Variants in BBS9 observed in about 807,000 individuals in gnomAD.
BBS9 encodes Bardet-Biedl syndrome 9, also known as protein PTHB1.
In BBS9, 89 loss-of-function variants were observed where a neutral mutation model predicts 117.7. The ratio of observed to expected loss-of-function variants is 0.76; its 90% CI spans 0.64 to 0.90. BBS9 has a LOEUF of 0.90. Among genes scored for constraint, BBS9 ranks in the 40% least tolerant of loss-of-function variants. BBS9 has a pLI of 0.00. For synonymous variants in BBS9, 379 were observed against 370.9 expected (o/e 1.02, Z -0.25); for missense variants, 982 against 1,042.2 (o/e 0.94, Z 0.80).
At chr7:33,338,180 T>G (rs1486209570) in intron 10 of BBS9, among the ~76,000 whole-genome samples, 1 of 152,114 alleles carries the variant, frequency 6.6e-6, no homozygotes. Context: ...CCTTGCCCCT[T>G]CTATGCCACC....
intron 5 of BBS9, among the ~76,000 whole-genome samples, chr7:33,211,279 T>C (rs1303590004): frequency 6.6e-6 from 1 of 152,182 alleles, no homozygotes; most frequent in Non-Finnish European, 1.5e-5. Flanking sequence ...GGTGACTTTC[T>C]GTGGTGGTAT....
At chr7:33,614,643 A>C (rs1865043841) in intron 21 of BBS9, among the ~76,000 whole-genome samples, 2 of 152,200 alleles carry the variant, frequency 1.3e-5, no homozygotes, top group South Asian at 4.1e-4. Flanking sequence ...GTATCAGCGC[A>C]AGAAAACCTG....
At chr7:33,487,413 A>C (rs1843267070) in intron 19 of BBS9, among the ~76,000 whole-genome samples, 1 of 152,230 alleles carries the variant, frequency 6.6e-6, no homozygotes, top group Non-Finnish European at 1.5e-5. Flanking sequence ...TATAGTATCT[A>C]ACAGTTTACT....
intron 19 of BBS9, among the ~76,000 whole-genome samples, chr7:33,465,464 G>T (rs935991582): frequency 6.6e-6 from 1 of 152,030 alleles, no homozygotes; most frequent in Non-Finnish European, 1.5e-5. Flanking sequence ...TACAGTGAAG[G>T]ATTGTTCCTT....
At chr7:33,362,259 G>A (rs1212284888) in intron 16 of BBS9, among the ~76,000 whole-genome samples, 2 of 152,114 alleles carry the variant, frequency 1.3e-5, no homozygotes, top group African/African-American at 4.8e-5. Context: ...AAAAGCAGAA[G>A]TTCTTAATCT....
intron 19 of BBS9, among the ~76,000 whole-genome samples, chr7:33,431,886 A>G (rs1442062332): frequency 1.3e-5 from 2 of 152,130 alleles, no homozygotes; most frequent in African/African-American, 2.4e-5. Flanking sequence ...ATCTTTTTAT[A>G]ATATATGCTT....
At chr7:33,341,062 C>G in intron 11 of BBS9, 89 bp downstream of exon 11, 1 of 1,095,826 alleles carries the variant, frequency 9.1e-7, no homozygotes, top group East Asian at 2.4e-5. Context: ...AAAGTTTGGT[C>G]CTCCAAGTAG....
chr7:33,605,312 C>A lies in BBS9; in HGVS notation c.*86C>A. The A allele has an allele frequency of 1.4e-6, 2 of 1,406,076 alleles. No homozygotes were observed. Among genetic ancestry groups the A allele is most frequent in the Non-Finnish European group, 2.0e-6 (2 of 990,590 alleles). The allele number at this position is 1,406,076 out of a possible 1,614,324, so 87.1% of individuals were successfully genotyped here. A position where few individuals can be genotyped will look rare whatever the true frequency, so the allele number is the denominator to read the frequency against. ...CCTCATGCCAAGCACAGATATAGGG[C>A]TGGCGCAGGTGCTTCCTAAAGCTCA... On this transcript the variant is annotated 3_prime_UTR_variant, in exon 23 of 23. Transcript: ENST00000242067.
At chr7:33,571,702 G>T (rs138685831) in intron 21 of BBS9, among the ~76,000 whole-genome samples, 1 of 152,070 alleles carries the variant, frequency 6.6e-6, no homozygotes, top group Non-Finnish European at 1.5e-5. Flanking sequence ...GCCACAGTAA[G>T]GTACACTCAA....
At chr7:33,374,639 C>T (rs190999045) in intron 17 of BBS9, among the ~76,000 whole-genome samples, 5 of 152,180 alleles carry the variant, frequency 3.3e-5, no homozygotes, top group Admixed American at 6.5e-5. Context: ...TGGTGGCTCA[C>T]GCCTGTAATC....
At chr7:33,492,802 A>G (rs1844173481) in intron 19 of BBS9, among the ~76,000 whole-genome samples, 1 of 127,308 alleles carries the variant, frequency 7.9e-6, no homozygotes, top group African/African-American at 3.1e-5. Flanking sequence ...ATCATCTAGT[A>G]TAGGAGTGAG....
intron 20 of BBS9, among the ~76,000 whole-genome samples, chr7:33,506,268 A>G (rs887956667): frequency 2.0e-5 from 3 of 152,176 alleles, no homozygotes; most frequent in Non-Finnish European, 4.4e-5. Context: ...TATGACCACC[A>G]CGGGCCGTTC....
intron 1 of BBS9, among the ~76,000 whole-genome samples, chr7:33,130,783 A>C (rs1366877799): frequency 6.6e-6 from 1 of 152,158 alleles, no homozygotes; most frequent in East Asian, 1.9e-4. Flanking sequence ...GAATTTTAAA[A>C]AACTTTATTT....
intron 19 of BBS9, 73 bp from the exon 20 acceptor site, chr7:33,505,390 T>C: frequency 6.9e-7 from 1 of 1,451,582 alleles, no homozygotes; most frequent in Non-Finnish European, 9.7e-7. Context: ...AAAACAAAAG[T>C]GTGCCAGACA....
intron 21 of BBS9, among the ~76,000 whole-genome samples, chr7:33,576,964 A>T (rs1413856567): frequency 6.6e-6 from 1 of 152,204 alleles, no homozygotes. Context: ...GAAGAAAACC[A>T]AGGCAATACC....
chr7:33,634,806 T>A (rs1562548988), intron 21 of BBS9, among the ~76,000 whole-genome samples: 1 of 152,136 alleles, frequency 6.6e-6, no homozygotes, highest in East Asian at 1.9e-4. Context: ...TTGAAAGCCA[T>A]CAGGCTGAAG....
At chr7:33,540,682 G>A (rs1852153944) in intron 21 of BBS9, among the ~76,000 whole-genome samples, 1 of 152,176 alleles carries the variant, frequency 6.6e-6, no homozygotes, top group Non-Finnish European at 1.5e-5. Flanking sequence ...CATAAGTCAG[G>A]AAAATTAATT....
chr7:33,345,207 T>C (rs1817372451), intron 12 of BBS9, among the ~76,000 whole-genome samples: 1 of 152,230 alleles, frequency 6.6e-6, no homozygotes, highest in Admixed American at 6.5e-5. Context: ...ATATTAAGGA[T>C]GTGGTTTTGG....
intron 5 of BBS9, among the ~76,000 whole-genome samples, chr7:33,224,628 A>G (rs1036424956): frequency 2.0e-5 from 3 of 152,114 alleles, no homozygotes; most frequent in African/African-American, 4.8e-5. Context: ...CTTCTCCCTA[A>G]CTTACTTGTC....
Sources: gnomAD v4.1 joint callset for allele counts (sites outside exome capture counted in the v4.1 genomes callset) on GRCh38, gnomAD v4.1.1 for gene constraint, MANE v1.5 for transcripts, NCBI Gene and HGNC (gene_info 2026-07-23, HGNC 2026-07-21) for gene names.